SLC13A3: variants seen among roughly 807,000 people sequenced by gnomAD.
The protein encoded by SLC13A3 is Na(+)/dicarboxylate cotransporter 3.
In SLC13A3, 40 loss-of-function variants were observed where a neutral mutation model predicts 59.0. The observed-to-expected ratio is 0.68, with a 90% CI of 0.53 to 0.88. SLC13A3 has a LOEUF of 0.88. Among genes scored for constraint, SLC13A3 ranks in the 40% least tolerant of loss-of-function variants. The pLI is 0.00. For synonymous variants in SLC13A3, 317 were observed against 330.3 expected (o/e 0.96, Z 0.44); for missense variants, 699 against 783.2 (o/e 0.89, Z 1.28).
chr20:46,636,755 C>A (rs1329050543), intron 1 of SLC13A3, among the ~76,000 whole-genome samples: 1 of 152,072 alleles, frequency 6.6e-6, no homozygotes, highest in African/African-American at 2.4e-5. Context: ...TTCTGTGCTC[C>A]CACTGCTTCT....
intron 6 of SLC13A3, among the ~76,000 whole-genome samples, chr20:46,591,192 A>G (rs2062253155): frequency 7.1e-6 from 1 of 141,692 alleles, no homozygotes; most frequent in Non-Finnish European, 1.6e-5. Flanking sequence ...AAATAAATAA[A>G]TAAACAAACA....
chr20:46,668,330 A>G (rs2063072485), intron 1 of SLC13A3, among the ~76,000 whole-genome samples: 1 of 152,232 alleles, frequency 6.6e-6, no homozygotes, highest in Non-Finnish European at 1.5e-5. Flanking sequence ...TACTCCAATG[A>G]ACACATGGAT....
upstream of SLC13A3, among the ~76,000 whole-genome samples, chr20:46,656,304 C>A: frequency 7.9e-6 from 1 of 127,264 alleles, no homozygotes; most frequent in Non-Finnish European, 1.6e-5. Context: ...ATATACTATA[C>A]AGTATATATT....
Position 46,659,299 on chromosome 20 carries a change from A to G in SLC13A3, c.-31+10744T>C, listed in dbSNP as rs185513752. Among the ~76,000 whole-genome samples, 4 of 151,922 alleles carry G rather than the reference A, an allele frequency of 2.6e-5. No individual in the cohort carries two copies. The East Asian group carries it at 5.8e-4, about 22-fold the overall frequency. ...TATTTTGGTGCATTTTATTTCCTCT[A>G]TTAATTTTTTAGCTTTTTTCTGTTT... On this transcript the variant is annotated intron_variant, in intron 1 of 12. Transcript: ENST00000290317.
intron 10 of SLC13A3, among the ~76,000 whole-genome samples, chr20:46,569,971 C>T (rs1379036188): frequency 6.6e-6 from 1 of 152,124 alleles, no homozygotes; most frequent in Non-Finnish European, 1.5e-5. Flanking sequence ...TTTTAAAAGG[C>T]TTTGTAAAAC....
upstream of SLC13A3, among the ~76,000 whole-genome samples, chr20:46,651,783 C>G (rs924832495): frequency 6.6e-6 from 1 of 152,244 alleles, no homozygotes; most frequent in African/African-American, 2.4e-5. Flanking sequence ...GGCGCGTACT[C>G]CTATTACCCG....
chr20:46,573,126 GTTAT>G (rs2062044970), intron 10 of SLC13A3, among the ~76,000 whole-genome samples: 1 of 152,246 alleles, frequency 6.6e-6, no homozygotes, highest in African/African-American at 2.4e-5. Flanking sequence ...AGTCTGTATC[GTTAT>G]TTATGTGTTT....
chr20:46,566,626 G>A (rs2044789334), intron 10 of SLC13A3: 1 of 408,478 alleles, frequency 2.4e-6, no homozygotes, highest in African/African-American at 2.1e-5. Flanking sequence ...TACAGGCCAG[G>A]GACCCAAACC....
chr20:46,608,346 C>A (rs530230401), intron 3 of SLC13A3, among the ~76,000 whole-genome samples: 2 of 152,332 alleles, frequency 1.3e-5, no homozygotes, highest in African/African-American at 4.8e-5. Context: ...TTTGTTTTAT[C>A]TGTGGCTGCT....
At chr20:46,609,061 A>G (rs2062464727) in intron 3 of SLC13A3, 1 of 1,550,050 alleles carries the variant, frequency 6.5e-7, no homozygotes, top group Non-Finnish European at 8.7e-7. Context: ...TCTATTCCTA[A>G]AAGAACAAAG....
intron 1 of SLC13A3, among the ~76,000 whole-genome samples, chr20:46,629,130 A>G (rs1269048206): frequency 6.6e-6 from 1 of 152,244 alleles, no homozygotes; most frequent in Non-Finnish European, 1.5e-5. Context: ...CTATTTTCCA[A>G]ACTTCAACAA....
intron 1 of SLC13A3, among the ~76,000 whole-genome samples, chr20:46,615,557 C>A (rs1172062736): frequency 2.0e-5 from 3 of 152,116 alleles, no homozygotes; most frequent in Non-Finnish European, 4.4e-5. Context: ...GATCAATTTC[C>A]AAGATCACGT....
intron 1 of SLC13A3, among the ~76,000 whole-genome samples, chr20:46,623,839 C>T (rs2062640726): frequency 6.6e-6 from 1 of 152,178 alleles, no homozygotes; most frequent in Non-Finnish European, 1.5e-5. Flanking sequence ...CTCTATTTTA[C>T]TGATGGGACA....
intron 1 of SLC13A3, 150 bp downstream of exon 1, chr20:46,651,161 C>T (rs2062947981): frequency 3.9e-6 from 5 of 1,290,336 alleles, no homozygotes; most frequent in African/African-American, 3.1e-5. Flanking sequence ...GCGTTCACAG[C>T]GGTCCGCGGC....
chr20:46,576,070 G>GA (rs2062072954), intron 9 of SLC13A3, among the ~76,000 whole-genome samples: 1 of 152,146 alleles, frequency 6.6e-6, no homozygotes, highest in South Asian at 2.1e-4. Context: ...TAGAAAAATA[G>GA]AAACAAAGGG....
At chr20:46,596,080 C>A in intron 5 of SLC13A3, 77 bp downstream of exon 5, 2 of 1,387,798 alleles carry the variant, frequency 1.4e-6, no homozygotes, top group Non-Finnish European at 2.0e-6. Context: ...AATACACATT[C>A]CCTGGATGTT....
upstream of SLC13A3, among the ~76,000 whole-genome samples, chr20:46,674,309 C>T (rs757310049): frequency 7.2e-5 from 11 of 152,234 alleles, no homozygotes; most frequent in Non-Finnish European, 8.8e-5. Context: ...CCCTTCTTTC[C>T]CCTGGAGGGG....
chr20:46,561,660 G>GTTT (rs11479853), intron 12 of SLC13A3, among the ~76,000 whole-genome samples: 3 of 140,462 alleles, frequency 2.1e-5, no homozygotes, highest in African/African-American at 8.1e-5. Flanking sequence ...GTTTTTTTTT[G>GTTT]TTTTTTTTTT....
intron 11 of SLC13A3, 119 bp downstream of exon 11, chr20:46,566,110 T>C (rs921991947): frequency 6.5e-6 from 5 of 770,718 alleles, no homozygotes; most frequent in South Asian, 3.2e-5. Flanking sequence ...GATACGTTCA[T>C]GTATTTTGGA....
Sources: allele counts gnomAD v4.1 joint callset (sites outside exome capture counted in the v4.1 genomes callset), GRCh38; gene constraint gnomAD v4.1.1; transcripts MANE v1.5; gene names NCBI Gene and HGNC (gene_info 2026-07-23, HGNC 2026-07-21).